TTLL8: variants seen among roughly 807,000 people sequenced by gnomAD.
TTLL8 encodes the protein tubulin tyrosine ligase like 8, also known as protein monoglycylase TTLL8.
Under a neutral mutation model 77.8 loss-of-function variants are expected in TTLL8, and 65 were observed. The ratio of observed to expected loss-of-function variants is 0.84; its 90% CI spans 0.68 to 1.03. The LOEUF (loss-of-function observed/expected upper bound fraction) is 1.03, where lower values mean the gene tolerates loss of function less well. Among genes scored for constraint, TTLL8 ranks in the 50% least tolerant of loss-of-function variants. The probability of loss-of-function intolerance (pLI) is 0.00; values close to 1 mark genes in which losing one functional copy is unlikely to be tolerated. For synonymous variants in TTLL8, 402 were observed against 422.8 expected (o/e 0.95, Z 0.60); for missense variants, 910 against 1,004.5 (o/e 0.91, Z 1.27).
chr22:50,035,432 C>A (rs2146658743), intron 8 of TTLL8, among the ~76,000 whole-genome samples: 1 of 152,294 alleles, frequency 6.6e-6, no homozygotes, highest in East Asian at 1.9e-4. Context: ...CACTGTGGAA[C>A]TGTGGCCGGG....
chr22:50,049,110 G>A (rs2061429439), intron 3 of TTLL8, 139 bp downstream of exon 5: 1 of 1,273,242 alleles, frequency 7.9e-7, no homozygotes, highest in Non-Finnish European at 1.0e-6. Flanking sequence ...CCCGGTCAAG[G>A]GGCCCTGCTG....
chr22:50,023,420 G>C, intron 12 of TTLL8, among the ~76,000 whole-genome samples: 1 of 152,130 alleles, frequency 6.6e-6, no homozygotes, highest in Non-Finnish European at 1.5e-5. Flanking sequence ...CACGGTGGCT[G>C]ACGCCTGTAA....
chr22:50,053,736 G>A (rs535098973), intron 1 of TTLL8, among the ~76,000 whole-genome samples: 4 of 152,298 alleles, frequency 2.6e-5, no homozygotes, highest in South Asian at 2.1e-4. Context: ...GGGAATAACC[G>A]ATAGGGGCCA....
At chr22:50,036,345 T>G (rs151054602) in intron 8 of TTLL8, among the ~76,000 whole-genome samples, 1 of 152,320 alleles carries the variant, frequency 6.6e-6, no homozygotes, top group Non-Finnish European at 1.5e-5. Context: ...GTCTTCCTTT[T>G]AATTCAGGTC....
chr22:50,057,934 G>A (rs2061493579), upstream of TTLL8, among the ~76,000 whole-genome samples: 4 of 151,916 alleles, frequency 2.6e-5, no homozygotes. Flanking sequence ...GAGTTGGGCA[G>A]GTTTAGTGGG....
intron 12 of TTLL8, 93 bp downstream of exon 13, chr22:50,030,337 C>A: frequency 8.7e-7 from 1 of 1,150,736 alleles, no homozygotes; most frequent in Non-Finnish European, 1.1e-6. Context: ...TGCCCTGCGC[C>A]CCGCTCTGGA....
At chr22:50,020,477 C>T (rs1008448388) in intron 12 of TTLL8, among the ~76,000 whole-genome samples, 10 of 151,280 alleles carry the variant, frequency 6.6e-5, no homozygotes, top group African/African-American at 2.2e-4. Flanking sequence ...ATGATGTGTA[C>T]TCCTCCATCT....
chr22:50,036,765 A>T (rs965903893), intron 8 of TTLL8, among the ~76,000 whole-genome samples: 2 of 152,050 alleles, frequency 1.3e-5, no homozygotes, highest in Non-Finnish European at 2.9e-5. Context: ...TGCCCAGCTA[A>T]CTTTTGTATT....
At position 50,039,816 on chromosome 22, in the gene TTLL8, G is replaced by A. The variant is rs6010241; in HGVS notation, c.921+1371C>T. Reference sequence around the variant, plus strand: ...TCTCACAGACCTCACATGTATCAGCGTGGACAGACCTCACAGACCTCACAT... The same window carrying A: ...TCTCACAGACCTCACATGTATCAGCATGGACAGACCTCACAGACCTCACAT... On this transcript the variant is annotated intron_variant, in intron 8 of 13. Transcript: ENST00000266182. Among the ~76,000 whole-genome samples, 102 of 148,880 alleles carry A rather than the reference G, an allele frequency of 6.9e-4. 1 individual carries two copies. The highest frequency in any genetic ancestry group is 2.1e-3 in the African/African-American group (86 of 40,188).
intron 12 of TTLL8, among the ~76,000 whole-genome samples, chr22:50,026,503 G>T (rs1052708852): frequency 6.6e-6 from 1 of 151,740 alleles, no homozygotes; most frequent in African/African-American, 2.4e-5. Context: ...AAATACACCC[G>T]CCATTCTGCA....
intron 8 of TTLL8, among the ~76,000 whole-genome samples, chr22:50,038,063 C>A (rs1460217155): frequency 6.6e-6 from 1 of 152,046 alleles, no homozygotes; most frequent in Non-Finnish European, 1.5e-5. Context: ...AACTTTATAA[C>A]TTTAAATTTA....
At chr22:50,058,020 G>A (rs887184031), upstream of TTLL8, among the ~76,000 whole-genome samples, 2 of 151,598 alleles carry the variant, frequency 1.3e-5, no homozygotes, top group African/African-American at 4.9e-5. The surrounding 1 kb of genome is among the most constrained non-coding windows in gnomAD (Gnocchi z 4.2). Flanking sequence ...GCCCGGGGCG[G>A]GGAGGGGGTA....
At chr22:50,049,971 G>T in intron 2 of TTLL8, 138 bp downstream of exon 4, 1 of 1,110,880 alleles carries the variant, frequency 9.0e-7, no homozygotes, top group Non-Finnish European at 1.2e-6. Context: ...GGAGGGTGAT[G>T]GAGACCTGGG....
chr22:50,039,589 T>C lies in TTLL8; in HGVS notation c.921+1598A>G, dbSNP rs1003151434. Among the ~76,000 whole-genome samples the C allele has an allele frequency of 8.5e-5, 13 of 152,348 alleles. No homozygotes were observed. In the East Asian group the frequency reaches 1.2e-3, roughly 14 times the overall value. On this transcript the variant is annotated intron_variant, in intron 8 of 13. Coordinates refer to ENST00000266182, the Ensembl canonical transcript of TTLL8. Reference sequence around the variant, plus strand: ...AGACAGAGAATATCTTAAAGCATCCTGAGGAAAAGATATTACCTTCAAAAG... The same window carrying C: ...AGACAGAGAATATCTTAAAGCATCCCGAGGAAAAGATATTACCTTCAAAAG...
Position 50,049,190 on chromosome 22 carries a change from G to A in TTLL8, c.264+59C>T, listed in dbSNP as rs529317204. 1.4e-4 allele frequency: 186 copies of A among 1,365,600 alleles called. No individual in the cohort carries two copies. The East Asian group carries it at 5.5e-3, about 40-fold the overall frequency. 84.6% of individuals were successfully genotyped at this position (1,365,600 alleles called of 1,614,324 possible). On this transcript the variant is annotated intron_variant, in intron 3 of 13. Coordinates refer to ENST00000266182, the Ensembl canonical transcript of TTLL8. ...TGGGAGAGTGGGCACGGAGCAGGGC[G>A]ACGGTGTGAGAAGCTTTGGAGAGGC...
intron 11 of TTLL8, among the ~76,000 whole-genome samples, chr22:50,031,453 C>T (rs971715334): frequency 1.3e-5 from 2 of 152,154 alleles, no homozygotes; most frequent in East Asian, 1.9e-4. Context: ...CCGCTCCGCC[C>T]GCACGCCTGG....
At chr22:50,057,501 G>A (rs1377978621), upstream of TTLL8, among the ~76,000 whole-genome samples, 13 of 129,706 alleles carry the variant, frequency 1.0e-4, no homozygotes, top group East Asian at 2.6e-4. Context: ...CTGGGTTGGG[G>A]TCAGGTCTGG....
At chr22:50,048,351 A>C (rs2061425176) in intron 3 of TTLL8, among the ~76,000 whole-genome samples, 3 of 152,104 alleles carry the variant, frequency 2.0e-5, no homozygotes, top group African/African-American at 7.2e-5. Context: ...AGGAGGCTTT[A>C]GGATTAGGTC....
chr22:50,056,543 G>A (rs75976112), upstream of TTLL8, among the ~76,000 whole-genome samples: 1 of 152,196 alleles, frequency 6.6e-6, no homozygotes, highest in Non-Finnish European at 1.5e-5. This position sits in a 1 kb window ranked among gnomAD's most constrained non-coding sequence, Gnocchi z 4.1. Flanking sequence ...AGTCTGAAGA[G>A]GGCAAGGGCA....
Sources: allele counts gnomAD v4.1 joint callset (sites outside exome capture counted in the v4.1 genomes callset), GRCh38; gene constraint gnomAD v4.1.1; non-coding constraint Gnocchi (gnomAD v3.1); transcripts MANE v1.5; gene names NCBI Gene and HGNC (gene_info 2026-07-23, HGNC 2026-07-21).